The following ARAP2 variants were observed in gnomAD, a reference collection of about 807,000 sequenced individuals.
The protein encoded by ARAP2 is arf-GAP with Rho-GAP domain, ANK repeat and PH domain-containing protein 2.
ARAP2 carries 148 observed loss-of-function variants against 194.5 expected under a neutral mutation model. That is an observed-to-expected ratio of 0.76 (90% confidence interval 0.67 to 0.87). The LOEUF (loss-of-function observed/expected upper bound fraction) is 0.87, where lower values mean the gene tolerates loss of function less well. Among genes scored for constraint, ARAP2 ranks in the 40% least tolerant of loss-of-function variants. The pLI, the probability that ARAP2 is intolerant of heterozygous loss-of-function variation, is 0.00. For synonymous variants in ARAP2, 695 were observed against 683.5 expected, an observed-to-expected ratio of 1.02 and a Z score of -0.26; for missense variants, 2,128 against 1,989.7, an observed-to-expected ratio of 1.07 and a Z score of -1.32.
At chr4:36,148,038 C>G (rs1730057169) in intron 17 of ARAP2, among the ~76,000 whole-genome samples, 1 of 152,138 alleles carries the variant, frequency 6.6e-6, no homozygotes, top group Admixed American at 6.6e-5. Flanking sequence ...CAACCTTCAG[C>G]ATTTTTCTCC....
chr4:36,193,879 G>C (rs574894216), intron 6 of ARAP2, among the ~76,000 whole-genome samples: 1 of 152,142 alleles, frequency 6.6e-6, no homozygotes, highest in African/African-American at 2.4e-5. Flanking sequence ...AATTAACAGC[G>C]TTGTTGCACA....
At chr4:36,138,942 G>A (rs1412913755) in intron 19 of ARAP2, among the ~76,000 whole-genome samples, 3 of 151,524 alleles carry the variant, frequency 2.0e-5, no homozygotes, top group Non-Finnish European at 4.4e-5. Context: ...AACTTTACAT[G>A]TGCTTGTTGG....
rs1472237307 is a variant in ARAP2, at chr4:36,158,598, A to T, written c.2752+132T>A. The stretch of plus-strand genomic sequence containing the variant: ...ATAATATTTGCACCTAGAAGCATTT[A>T]TAAATCCTCAAAAATATCTCTACTT... On this transcript the variant is annotated intron_variant, in intron 15 of 32. Coordinates refer to ENST00000303965, the MANE Select transcript of ARAP2 (RefSeq NM_015230.4). The T allele has an allele frequency of 1.0e-5, 8 of 783,352 alleles. No individual in the cohort carries two copies. In the East Asian group the frequency reaches 1.7e-4, roughly 17 times the overall value. The allele number at this position is 783,352 out of a possible 1,614,324, so 48.5% of individuals were successfully genotyped here. A position where few individuals can be genotyped will look rare whatever the true frequency, so the allele number is the denominator to read the frequency against.
intron 31 of ARAP2, among the ~76,000 whole-genome samples, chr4:36,074,282 C>G (rs1727725048): frequency 6.6e-6 from 1 of 152,054 alleles, no homozygotes; most frequent in African/African-American, 2.4e-5. Flanking sequence ...TTTATGACCT[C>G]TTGAAAAATG....
At chr4:36,213,763 T>C (rs1747295001) in intron 3 of ARAP2, among the ~76,000 whole-genome samples, 1 of 152,142 alleles carries the variant, frequency 6.6e-6, no homozygotes, top group East Asian at 1.9e-4. Flanking sequence ...AATAGCTAGA[T>C]ATCACTTAAA....
chr4:36,156,391 GAAAGAAAGAAAGAAAGAAAGAAAGAA>G lies in ARAP2; in HGVS notation c.2752+2313_2752+2338del, dbSNP rs1732417414. The stretch of plus-strand genomic sequence containing the variant: ...GGAGGGAGGGGGAAAGAGAGAGAGA[GAAAGAAAGAAAGAAAGAAAGAAAGAA>G]AGAAAGAAAGAAAGAAAGAAAGAAA... On this transcript the variant is annotated intron_variant, in intron 15 of 32. Coordinates refer to ENST00000303965, the MANE Select transcript of ARAP2 (RefSeq NM_015230.4). 6.1e-4 allele frequency among the ~76,000 whole-genome samples: 58 copies of G among 95,268 alleles called. 2 individuals carry two copies. Among genetic ancestry groups the G allele is most frequent in the Admixed American group, 1.4e-3 (13 of 9,360 alleles). The allele number at this position is 95,268 out of a possible 152,430, so 62.5% of individuals were successfully genotyped here.
chr4:36,092,010 T>G lies in ARAP2; in HGVS notation c.4296A>C (p.Thr1432=). 8.8e-6 allele frequency: 14 copies of G among 1,595,840 alleles called. No homozygotes were observed. Among genetic ancestry groups the G allele is most frequent in the Non-Finnish European group, 1.2e-5 (14 of 1,166,540 alleles). The change falls in exon 28 of 33, where the codon ACA becomes ACC. Residue 1432 remains threonine (T), a synonymous_variant. Coordinates refer to ENST00000303965, the MANE Select transcript of ARAP2 (RefSeq NM_015230.4). ...DTIKHCSDRS[T]LGSIKEGILK... ...AGATTCCTTCTTTGATGCTTCCCAG[T>G]GTACTCCGGTCTGTAAAGTACAGCA...
intron 9 of ARAP2, among the ~76,000 whole-genome samples, chr4:36,177,038 CA>C (rs567896207): frequency 8.3e-4 from 121 of 145,206 alleles, no homozygotes; most frequent in African/African-American, 2.4e-3. Context: ...GGAGTTCTTC[CA>C]AAAAAAAAGG....
intron 30 of ARAP2, among the ~76,000 whole-genome samples, chr4:36,081,339 G>A (rs1729498408): frequency 6.6e-6 from 1 of 152,122 alleles, no homozygotes; most frequent in Admixed American, 6.6e-5. Context: ...GAGAATGAAA[G>A]TATGACAGGA....
At position 36,158,875 on chromosome 4, in the gene ARAP2, T is replaced by A. The variant is rs771246097; in HGVS notation, c.2618-11A>T. On this transcript the variant is annotated splice_polypyrimidine_tract_variant and intron_variant, in intron 14 of 32. Coordinates refer to ENST00000303965, the MANE Select transcript of ARAP2 (RefSeq NM_015230.4). ...CATGTTGAGGGAAATCTAGAAAAAT[T>A]AAAGAAATAAGGCACAAGAAATCTA... 1.9e-6 allele frequency: 3 copies of A among 1,578,952 alleles called. No homozygotes were observed. Among genetic ancestry groups the A allele is most frequent in the Admixed American group, 3.9e-5 (2 of 51,578 alleles).
intron 32 of ARAP2, among the ~76,000 whole-genome samples, 198 bp downstream of exon 32, chr4:36,073,491 G>A (rs1727513719): frequency 6.6e-6 from 1 of 152,080 alleles, no homozygotes; most frequent in Non-Finnish European, 1.5e-5. Context: ...ATATGTGATT[G>A]GGTGGTCAAT....
At chr4:36,198,068 AAAG>A (rs1432187702) in intron 6 of ARAP2, among the ~76,000 whole-genome samples, 6 of 152,140 alleles carry the variant, frequency 3.9e-5, no homozygotes, top group South Asian at 2.1e-4. Context: ...CTGTGTCCAG[AAAG>A]AAGGAGGTAC....
At position 36,212,402 on chromosome 4, in the gene ARAP2, T is replaced by G. The variant is rs763804436; in HGVS notation, c.1127A>C (p.Lys376Thr). ...ATCAATCATGATCTCATACCTTGAT[T>G]TGATGATAAAAGAGTTTGTTGCAGT... ...AATATNSFII[K>T]SSIYDNRKEK... Residue 376 changes from lysine to threonine, a missense_variant, in exon 5 of 33, where the codon AAA (lysine) becomes ACA (threonine). Transcript: ENST00000303965. The G allele has an allele frequency of 1.2e-6, 2 of 1,609,248 alleles. No homozygotes were observed. The highest frequency in any genetic ancestry group is 2.2e-5 in the East Asian group (1 of 44,772).
chr4:36,058,467 C>A (rs1309302700), intron 1 of ARAP2, among the ~76,000 whole-genome samples: 1 of 152,180 alleles, frequency 6.6e-6, no homozygotes, highest in Non-Finnish European at 1.5e-5. Flanking sequence ...TGTACAGATT[C>A]TTTAAATTTA....
At position 36,067,942 on chromosome 4, in the gene ARAP2, G is replaced by C; in HGVS notation, c.5080C>G (p.Pro1694Ala). Residue 1694 changes from proline to alanine, a missense_variant, in exon 33 of 33, where the codon CCA becomes GCA. By Grantham distance (27) the Pro-to-Ala change is conservative (BLOSUM62 -1). Transcript: ENST00000303965. ...NVVLQRSRTL[P>A]KELQDEQILK ...ATCTGCTCATCCTGTAATTCTTTTG[G>C]AAGGGTTCTTGACCGTTGTAGAACC... 1 of 1,590,678 alleles carries C rather than the reference G, an allele frequency of 6.3e-7. No homozygotes were observed. Among genetic ancestry groups the C allele is most frequent in the Non-Finnish European group, 8.6e-7 (1 of 1,167,300 alleles).
intron 15 of ARAP2, among the ~76,000 whole-genome samples, chr4:36,153,789 A>G (rs1731584782): frequency 6.6e-6 from 1 of 152,178 alleles, no homozygotes; most frequent in African/African-American, 2.4e-5. Context: ...AACTGTTTAA[A>G]CATAAGCCCT....
intron 25 of ARAP2, among the ~76,000 whole-genome samples, chr4:36,114,544 A>G (rs1427668248): frequency 1.3e-5 from 2 of 152,052 alleles, no homozygotes; most frequent in African/African-American, 4.8e-5. Context: ...TAGACCACTC[A>G]GAAGGAAAGA....
At chr4:36,169,487 T>C (rs974802613) in intron 9 of ARAP2, among the ~76,000 whole-genome samples, 1 of 151,924 alleles carries the variant, frequency 6.6e-6, no homozygotes. Flanking sequence ...AAGGGAGTGC[T>C]AGCTGGTTAA....
chr4:36,068,801 C>T (rs528858248), intron 32 of ARAP2, among the ~76,000 whole-genome samples: 28 of 152,302 alleles, frequency 1.8e-4, no homozygotes, highest in African/African-American at 4.8e-4. Context: ...GTGTATTTAA[C>T]GCCTTTTTTA....
Sources: allele counts gnomAD v4.1 joint callset (sites outside exome capture counted in the v4.1 genomes callset), GRCh38; gene constraint gnomAD v4.1.1; transcripts MANE v1.5; gene names NCBI Gene and HGNC (gene_info 2026-07-23, HGNC 2026-07-21).